The following CFHR4 variants were observed in gnomAD, a reference collection of about 807,000 sequenced individuals.
The protein encoded by CFHR4 is complement factor H-related protein 4.
A neutral mutation model predicts 69.3 loss-of-function variants in CFHR4; 64 were observed. That is an observed-to-expected ratio of 0.92 (90% CI 0.76 to 1.14). The LOEUF (loss-of-function observed/expected upper bound fraction) is 1.14, where lower values mean the gene tolerates loss of function less well. Ranked by LOEUF, CFHR4 falls within the 50% of genes most tolerant of loss-of-function variation. The probability of loss-of-function intolerance (pLI) is 0.00; values close to 1 mark genes in which losing one functional copy is unlikely to be tolerated. For missense variants in CFHR4, 636 were observed against 684.9 expected (o/e 0.93, Z 0.80); for synonymous variants, 244 against 237.0 (o/e 1.03, Z -0.27).
chr1:196,902,482 A>G lies in CFHR4; in HGVS notation c.123A>G (p.Arg41=). ...GTCTATATTATAAGAGTTTGCGTAG[A>G]CTATACTTTCCAGCAGCTGCAGGAC... ...HGGLYYKSLR[R]LYFPAAAGQS... is the part of the protein sequence containing the mutation. The change falls in exon 2 of 10, where the codon AGA becomes AGG. Residue 41 remains arginine (R), a synonymous_variant. Coordinates refer to ENST00000608469, the MANE Select transcript of CFHR4 (RefSeq NM_001201550.3). 6.2e-7 allele frequency: 1 copy of G among 1,612,062 alleles called. No homozygotes were observed.
In CFHR4 at chr1:196,895,851, G is replaced by T. The variant is rs1358495727; in HGVS notation, c.59-6567G>T. On this transcript the variant is annotated intron_variant, in intron 1 of 9. Coordinates refer to ENST00000608469, the MANE Select transcript of CFHR4 (RefSeq NM_001201550.3). ...TTTTTGTTGAAAACTGAACATTTTA[G>T]TCTAATAATGGGTAACAACTGGAAT... 2.0e-5 allele frequency among the ~76,000 whole-genome samples: 3 copies of T among 151,234 alleles called. No homozygotes were observed. In the East Asian group the frequency reaches 5.8e-4, roughly 29 times the overall value.
intron 6 of CFHR4, among the ~76,000 whole-genome samples, chr1:196,910,994 A>G (rs568221515): frequency 6.6e-6 from 1 of 151,554 alleles, no homozygotes; most frequent in African/African-American, 2.4e-5. Flanking sequence ...GTAAAAGTTG[A>G]GGATATCCTG....
intron 1 of CFHR4, 23 bp downstream of exon 1, chr1:196,888,231 A>C (rs751307601): frequency 6.2e-7 from 1 of 1,607,534 alleles, no homozygotes; most frequent in Admixed American, 1.7e-5. Context: ...AGATCTAAAC[A>C]CTCAGCTTCC....
intron 8 of CFHR4, 108 bp from the exon 9 acceptor site, chr1:196,914,848 T>G: frequency 6.6e-7 from 1 of 1,505,666 alleles, no homozygotes; most frequent in Admixed American, 2.4e-5. Context: ...GCAGATGTCT[T>G]CCTAAGAAAT....
At chr1:196,917,960 C>A (rs993191114) in intron 9 of CFHR4, among the ~76,000 whole-genome samples, 2 of 151,510 alleles carry the variant, frequency 1.3e-5, no homozygotes, top group African/African-American at 4.9e-5. Context: ...AGTTCAGGCT[C>A]TAGAGAAAGA....
Position 196,907,300 on chromosome 1 carries a change from A to C in CFHR4, c.617-16A>C. On this transcript the variant is annotated splice_polypyrimidine_tract_variant and intron_variant, in intron 4 of 9. Coordinates refer to ENST00000608469, the MANE Select transcript of CFHR4 (RefSeq NM_001201550.3). ...AAACTGTTGATTTTTCCCCAATGTA[A>C]AGTATTTTTTTTCAGATTCTTCAGA... 1 of 1,600,028 alleles carries C rather than the reference A, an allele frequency of 6.2e-7. No individual in the cohort carries two copies. The highest frequency in any genetic ancestry group is 8.6e-7 in the Non-Finnish European group (1 of 1,168,350).
At chr1:196,892,579 G>T (rs1396900209) in intron 1 of CFHR4, among the ~76,000 whole-genome samples, 1 of 151,202 alleles carries the variant, frequency 6.6e-6, no homozygotes, top group African/African-American at 2.4e-5. Flanking sequence ...TAGGGCATGG[G>T]TTATTTTTGC....
intron 1 of CFHR4, among the ~76,000 whole-genome samples, chr1:196,890,180 T>C (rs1037861937): frequency 6.6e-6 from 1 of 151,640 alleles, no homozygotes; most frequent in Non-Finnish European, 1.5e-5. Flanking sequence ...ATTTGATAAT[T>C]ATATCTTGGC....
chr1:196,918,451 C>G lies in CFHR4; in HGVS notation c.*45C>G. 6.5e-7 allele frequency: 1 copy of G among 1,527,624 alleles called. No individual in the cohort carries two copies. The highest frequency in any genetic ancestry group is 9.1e-7 in the Non-Finnish European group (1 of 1,104,244). 94.6% of individuals were successfully genotyped at this position (1,527,624 alleles called of 1,614,324 possible). On this transcript the variant is annotated 3_prime_UTR_variant, in exon 10 of 10. Transcript: ENST00000608469. Reference sequence around the variant, plus strand: ...ATGTATGTCCAACTTCCACTTCTCACTCTTATGGTCTCAAAGCTTGCAAAG... The same window carrying G: ...ATGTATGTCCAACTTCCACTTCTCAGTCTTATGGTCTCAAAGCTTGCAAAG...
At chr1:196,917,232 AAGAAGAGATAGGTG>A in intron 9 of CFHR4, among the ~76,000 whole-genome samples, 1 of 151,878 alleles carries the variant, frequency 6.6e-6, no homozygotes, top group Admixed American at 6.6e-5. Context: ...CTTGAGTCAA[AAGAAGAGATAGGTG>A]AGTGAATGAT....
At chr1:196,903,385 G>C (rs6663209) in intron 2 of CFHR4, among the ~76,000 whole-genome samples, 89,294 of 150,802 alleles carry the variant, frequency 0.59, 30,000 homozygotes, top group East Asian at 0.82. Context: ...AGGCGCAGTG[G>C]CTCAGTCCTG....
rs542049549 is a variant in CFHR4 at position 196,918,437 on chromosome 1, A to G, written c.*31A>G. ...CATTGTTACCCTAAATGTATGTCCA[A>G]CTTCCACTTCTCACTCTTATGGTCT... On this transcript the variant is annotated 3_prime_UTR_variant, in exon 10 of 10. Transcript: ENST00000608469. 1.3e-5 allele frequency: 20 copies of G among 1,570,514 alleles called. 1 individual carries two copies. Among genetic ancestry groups the G allele is most frequent in the African/African-American group, 8.2e-5 (6 of 73,272 alleles).
chr1:196,893,809 A>T (rs1044622422), intron 1 of CFHR4, among the ~76,000 whole-genome samples: 1 of 151,532 alleles, frequency 6.6e-6, no homozygotes, highest in East Asian at 1.9e-4. Context: ...GAATAACTGT[A>T]TTCCCAAATC....
rs1305304751 is a variant in CFHR4, at chr1:196,914,589, T to C, written c.1275T>C (p.Asp425=). The C allele has an allele frequency of 6.2e-7, 1 of 1,611,808 alleles. No individual in the cohort carries two copies. The highest frequency in any genetic ancestry group is 1.3e-5 in the African/African-American group (1 of 74,416). The change falls in exon 8 of 10, where the codon GAT becomes GAC. Residue 425 remains aspartate, a synonymous_variant. Coordinates refer to ENST00000608469, the MANE Select transcript of CFHR4 (RefSeq NM_001201550.3). Reference sequence around the variant, plus strand: ...ACACATTGGACTACGAATGCTACGATGGATATGAAATCAGTTATGGAAACA... The same window carrying C: ...ACACATTGGACTACGAATGCTACGACGGATATGAAATCAGTTATGGAAACA... ...LHDTLDYECY[D]GYEISYGNTT...
At chr1:196,915,499 C>T (rs1163648074) in intron 9 of CFHR4, among the ~76,000 whole-genome samples, 1 of 151,116 alleles carries the variant, frequency 6.6e-6, no homozygotes, top group African/African-American at 2.4e-5. Flanking sequence ...GCCAGGCATG[C>T]TGGCATATGC....
intron 1 of CFHR4, among the ~76,000 whole-genome samples, chr1:196,895,674 T>C (rs1657257133): frequency 6.6e-6 from 1 of 151,468 alleles, no homozygotes; most frequent in Non-Finnish European, 1.5e-5. Context: ...ATTTTCTTTC[T>C]TCACATCTTT....
At chr1:196,917,476 G>A (rs1269961004) in intron 9 of CFHR4, among the ~76,000 whole-genome samples, 2 of 151,536 alleles carry the variant, frequency 1.3e-5, no homozygotes, top group Non-Finnish European at 2.9e-5. Flanking sequence ...CCCATATGTG[G>A]AAGTAACATT....
chr1:196,915,659 A>T (rs1658572877), intron 9 of CFHR4, among the ~76,000 whole-genome samples: 1 of 140,696 alleles, frequency 7.1e-6, no homozygotes, highest in African/African-American at 2.7e-5. Flanking sequence ...TAAAAAATAA[A>T]AAATAAATAA....
At chr1:196,911,847 C>T (rs530294933) in intron 6 of CFHR4, among the ~76,000 whole-genome samples, 1 of 151,372 alleles carries the variant, frequency 6.6e-6, no homozygotes, top group Non-Finnish European at 1.5e-5. Flanking sequence ...ACAATAGAAA[C>T]TGAACACTGT....
Sources: allele counts gnomAD v4.1 joint callset (sites outside exome capture counted in the v4.1 genomes callset), GRCh38; gene constraint gnomAD v4.1.1; transcripts MANE v1.5; gene names NCBI Gene and HGNC (gene_info 2026-07-23, HGNC 2026-07-21).